PRDM1: variants seen among roughly 807,000 people sequenced by gnomAD.
The protein encoded by PRDM1 is PR/SET domain 1.
Under a neutral mutation model 62.8 loss-of-function variants are expected in PRDM1, and 13 were observed. The observed-to-expected ratio is 0.21, with a 90% confidence interval of 0.13 to 0.33. The LOEUF is 0.33. Among genes scored for constraint, PRDM1 ranks in the 10% least tolerant of loss-of-function variants. PRDM1 has a pLI of 1.00. For synonymous variants in PRDM1, 396 were observed against 417.6 expected (o/e 0.95, Z 0.63); for missense variants, 895 against 1,058.8 (o/e 0.85, Z 2.15).
intron 1 of PRDM1, chr6:106,087,966 G>A: frequency 3.6e-6 from 1 of 280,138 alleles, no homozygotes; most frequent in African/African-American, 2.3e-5. Flanking sequence ...TCCCCACAGT[G>A]AGGTTGCCAC....
At chr6:106,043,967 G>A (rs1773037998), upstream of PRDM1, among the ~76,000 whole-genome samples, 2 of 152,142 alleles carry the variant, frequency 1.3e-5, no homozygotes, top group South Asian at 4.1e-4. Flanking sequence ...TTAAAAGCTA[G>A]GGAATCTTTT....
At position 106,107,566 on chromosome 6, in the gene PRDM1, A is replaced by G. The variant is rs1486517534; in HGVS notation, c.*80A>G. 9 of 1,284,036 alleles carry G rather than the reference A, an allele frequency of 7.0e-6. No individual in the cohort carries two copies. The highest frequency in any genetic ancestry group is 9.6e-6 in the Non-Finnish European group (9 of 938,450). The allele number at this position is 1,284,036 out of a possible 1,614,324, so 79.5% of individuals were successfully genotyped here. ...TGCCTGTAGGAAGTGGCTTGTACAT[A>G]ATCCCAGCTCTGCAAAGCTCTCTCG... On this transcript the variant is annotated 3_prime_UTR_variant, in exon 7 of 7. Coordinates refer to ENST00000369096, the MANE Select transcript of PRDM1 (RefSeq NM_001198.4).
intron 1 of PRDM1, among the ~76,000 whole-genome samples, chr6:106,032,368 G>A (rs570731457): frequency 1.2e-4 from 17 of 143,990 alleles, no homozygotes; most frequent in East Asian, 4.2e-4. Context: ...GTTTCATCAC[G>A]TTGCCCAGGT....
Position 106,105,616 on chromosome 6 carries a change from G to C in PRDM1, c.1456G>C (p.Glu486Gln). Residue 486 changes from glutamate to glutamine, a missense_variant, in exon 5 of 7, where the codon GAG becomes CAG. Around this residue, in one of 4 missense-constraint regions of PRDM1, gnomAD observed 444 missense variants for 422.7 expected, o/e 1.05. Transcript: ENST00000369096. Reference sequence around the variant, plus strand: ...GTTGCTCCAGCCGGAGCATCCCAGGGAGGTGCTTGTCCCGGCGCCCCACAG... The same window carrying C: ...GTTGCTCCAGCCGGAGCATCCCAGGCAGGTGCTTGTCCCGGCGCCCCACAG... The part of the protein sequence containing the change: ...RRLLQPEHPR[E>Q]VLVPAPHSAF... The C allele has an allele frequency of 6.2e-7, 1 of 1,613,484 alleles. No homozygotes were observed. The highest frequency in any genetic ancestry group is 8.5e-7 in the Non-Finnish European group (1 of 1,179,558).
At chr6:106,013,948 T>C (rs1772587210) in intron 1 of PRDM1, among the ~76,000 whole-genome samples, 1 of 152,202 alleles carries the variant, frequency 6.6e-6, no homozygotes, top group South Asian at 2.1e-4. Flanking sequence ...TCCTTTATCC[T>C]GCTTTATTTT....
chr6:106,101,396 G>C (rs1247180067), intron 4 of PRDM1, among the ~76,000 whole-genome samples: 2 of 152,080 alleles, frequency 1.3e-5, no homozygotes, highest in Non-Finnish European at 2.9e-5. Flanking sequence ...AGTATTTTAA[G>C]GTTCAAGTGC....
At position 106,018,169 on chromosome 6, in the gene PRDM1, T is replaced by A. The variant is rs186159067; in HGVS notation, c.-67+24530T>A. The stretch of plus-strand genomic sequence containing the variant: ...GGGCTATTTCCTCAACAGAATACTT[T>A]AAAAAAAAAATAAAGCTAGAATCAA... On this transcript the variant is annotated intron_variant, in intron 1 of 6. Transcript: ENST00000652320. 4.2e-3 allele frequency among the ~76,000 whole-genome samples: 635 copies of A among 149,752 alleles called. 4 individuals are homozygous for A. The highest frequency in any genetic ancestry group is 0.015 in the African/African-American group (594 of 40,896).
chr6:106,028,490 A>G (rs910882985), intron 1 of PRDM1, among the ~76,000 whole-genome samples: 5 of 152,238 alleles, frequency 3.3e-5, no homozygotes, highest in African/African-American at 1.2e-4. Context: ...AAATCAGAGT[A>G]TATTCATGTA....
intron 1 of PRDM1, among the ~76,000 whole-genome samples, chr6:106,076,550 T>C (rs1352343690): frequency 6.6e-6 from 1 of 152,190 alleles, no homozygotes; most frequent in Admixed American, 6.5e-5. Context: ...CTCTGAATAA[T>C]TTAAAACTAT....
chr6:106,072,084 A>G (rs1182207296), intron 1 of PRDM1: 4 of 152,208 alleles, frequency 2.6e-5, no homozygotes, highest in African/African-American at 9.7e-5. Flanking sequence ...ATGACCTACT[A>G]TCAATGTGTT....
At chr6:106,004,146 T>C (rs1327650590) in intron 1 of PRDM1, among the ~76,000 whole-genome samples, 1 of 152,102 alleles carries the variant, frequency 6.6e-6, no homozygotes, top group African/African-American at 2.4e-5. Context: ...AAAGGGGCTA[T>C]TGTGGCTCTC....
intron 1 of PRDM1, among the ~76,000 whole-genome samples, chr6:106,014,577 G>A (rs1419909954): frequency 2.6e-5 from 4 of 151,248 alleles, no homozygotes; most frequent in Admixed American, 2.6e-4. Flanking sequence ...TATAATGTAA[G>A]TCTAAATTTA....
At chr6:106,063,594 G>T (rs1405735436) in intron 1 of PRDM1, among the ~76,000 whole-genome samples, 1 of 152,118 alleles carries the variant, frequency 6.6e-6, no homozygotes, top group Admixed American at 6.6e-5. Context: ...AAATAGGAAA[G>T]AAATACATTA....
rs1048060387 is a variant in PRDM1 at position 106,109,683 on chromosome 6, A to G, written c.*2197A>G. 1.3e-5 allele frequency: 3 copies of G among 233,246 alleles called. No individual in the cohort carries two copies. The highest frequency in any genetic ancestry group is 6.6e-5 in the African/African-American group (3 of 45,288). 14.4% of individuals were successfully genotyped at this position (233,246 alleles called of 1,614,324 possible). The stretch of plus-strand genomic sequence containing the variant: ...TCTCCTTTTGTGCTTTCCCATAGTG[A>G]GAATTTTTATAAAGACTTCTTGCTT... On this transcript the variant is annotated 3_prime_UTR_variant, in exon 7 of 7. Coordinates refer to ENST00000369096, the MANE Select transcript of PRDM1 (RefSeq NM_001198.4).
intron 1 of PRDM1, among the ~76,000 whole-genome samples, chr6:106,026,233 C>A (rs913701287): frequency 1.3e-5 from 2 of 152,166 alleles, no homozygotes; most frequent in Non-Finnish European, 2.9e-5. Context: ...AATCCTAGCA[C>A]TTTGAGAGGC....
intron 1 of PRDM1, among the ~76,000 whole-genome samples, chr6:106,014,058 A>ATTTTTTTTT (rs71006664): frequency 2.9e-5 from 3 of 105,102 alleles, no homozygotes; most frequent in African/African-American, 7.4e-5. Context: ...AGGACAAGGA[A>ATTTTTTTTT]TTTTTTTTTT....
intron 1 of PRDM1, among the ~76,000 whole-genome samples, chr6:106,051,863 T>G (rs1321984449): frequency 6.6e-6 from 1 of 152,232 alleles, no homozygotes; most frequent in Non-Finnish European, 1.5e-5. Flanking sequence ...AATTTTTCCA[T>G]GTGTAAATTG....
At chr6:106,045,758 T>G (rs563481502), upstream of PRDM1, 14 of 152,336 alleles carry the variant, frequency 9.2e-5, no homozygotes, top group Middle Eastern at 3.4e-3. Context: ...AATATCTTTG[T>G]GCTTCAGTCT....
At chr6:106,082,142 GCT>G (rs970952582), upstream of PRDM1, among the ~76,000 whole-genome samples, 1 of 152,068 alleles carries the variant, frequency 6.6e-6, no homozygotes, top group African/African-American at 2.4e-5. Flanking sequence ...CTTTCCTATT[GCT>G]CTTTTTCTCC....
Sources: gnomAD v4.1 joint callset for allele counts (sites outside exome capture counted in the v4.1 genomes callset) on GRCh38, gnomAD v4.1.1 for gene constraint, gnomAD v4.1.1 regional missense constraint, MANE v1.5 for transcripts, NCBI Gene and HGNC (gene_info 2026-07-23, HGNC 2026-07-21) for gene names.